The following PDE10A variants were observed in gnomAD, a reference collection of about 807,000 sequenced individuals.
PDE10A encodes cAMP and cAMP-inhibited cGMP 3',5'-cyclic phosphodiesterase 10A.
PDE10A carries 39 observed loss-of-function variants against 97.7 expected under a neutral mutation model. The ratio of observed to expected loss-of-function variants is 0.40; its 90% CI spans 0.31 to 0.52. The LOEUF (loss-of-function observed/expected upper bound fraction) is 0.52, where lower values mean the gene tolerates loss of function less well. Ranked by LOEUF, PDE10A falls within the 20% of genes least tolerant of loss-of-function variation. The pLI is 0.56. For synonymous variants in PDE10A, 371 were observed against 376.8 expected, an observed-to-expected ratio of 0.98 and a Z score of 0.18; for missense variants, 731 against 1,047.8, an observed-to-expected ratio of 0.70 and a Z score of 4.17.
chr6:165,507,078 G>A (rs1781238226), intron 2 of PDE10A, among the ~76,000 whole-genome samples: 1 of 152,058 alleles, frequency 6.6e-6, no homozygotes, highest in African/African-American at 2.4e-5. Context: ...CCACCCTGCT[G>A]CCTTACAACT....
At chr6:165,687,099 G>T (rs1791142260) in intron 1 of PDE10A, among the ~76,000 whole-genome samples, 1 of 152,254 alleles carries the variant, frequency 6.6e-6, no homozygotes, top group South Asian at 2.1e-4. Context: ...TGAGAGCATG[G>T]CTGCTTCCCA....
At chr6:165,943,294 G>GAAAAAA (rs1562810032) in intron 1 of PDE10A, among the ~76,000 whole-genome samples, 23 of 59,390 alleles carry the variant, frequency 3.9e-4, no homozygotes, top group Admixed American at 4.6e-4. Flanking sequence ...AAAGAAAGAA[G>GAAAAAA]GAAAGAAAGA....
intron 1 of PDE10A, among the ~76,000 whole-genome samples, chr6:165,938,579 A>T (rs534087414): frequency 2.8e-4 from 42 of 152,280 alleles, no homozygotes; most frequent in African/African-American, 1.0e-3. Context: ...TCAGGTTCCC[A>T]TGTGAACCCC....
At chr6:165,677,203 C>T (rs150939864) in intron 1 of PDE10A, among the ~76,000 whole-genome samples, 1 of 152,174 alleles carries the variant, frequency 6.6e-6, no homozygotes, top group African/African-American at 2.4e-5. Flanking sequence ...GGGCCTCATC[C>T]GATCAGTGGA....
chr6:165,672,221 T>C (rs1790666987), intron 1 of PDE10A, among the ~76,000 whole-genome samples: 1 of 152,198 alleles, frequency 6.6e-6, no homozygotes, highest in African/African-American at 2.4e-5. Context: ...GTCAATGGTA[T>C]AAGGCAAGCT....
chr6:165,529,112 C>G lies in PDE10A; in HGVS notation c.994+14328G>C, dbSNP rs585675. Among the ~76,000 whole-genome samples the G allele has an allele frequency of 5.4e-4, 82 of 152,110 alleles. 1 individual carries two copies. The highest frequency in any genetic ancestry group is 1.9e-3 in the African/African-American group (79 of 41,464). ...ACACTGCCACCAGGACTCACAACAA[C>G]GATTCCATTAAACTGGAAGATTGCC... is the stretch of plus-strand genomic sequence containing the variant. On this transcript the variant is annotated intron_variant, in intron 2 of 21. Transcript: ENST00000539869.
chr6:165,358,566 A>G (rs1783185868), intron 18 of PDE10A, among the ~76,000 whole-genome samples: 1 of 151,870 alleles, frequency 6.6e-6, no homozygotes, highest in African/African-American at 2.4e-5. Flanking sequence ...GCTTTCAACA[A>G]ATCTTTCTAC....
chr6:165,626,972 C>T (rs533707248), intron 1 of PDE10A, among the ~76,000 whole-genome samples: 1 of 152,242 alleles, frequency 6.6e-6, no homozygotes, highest in South Asian at 2.1e-4. Flanking sequence ...CCCAGACTTG[C>T]CCCTGGAAAA....
At chr6:165,417,924 A>G (rs1311395492) in intron 11 of PDE10A, among the ~76,000 whole-genome samples, 4 of 152,234 alleles carry the variant, frequency 2.6e-5, no homozygotes, top group Non-Finnish European at 5.9e-5. Flanking sequence ...TAAACGAGAC[A>G]CATACAGCAA....
At position 165,418,265 on chromosome 6, in the gene PDE10A, A is replaced by T. The variant is rs191278269; in HGVS notation, c.1796+370T>A. Among the ~76,000 whole-genome samples, 12 of 152,320 alleles carry T rather than the reference A, an allele frequency of 7.9e-5. No homozygotes were observed. Among genetic ancestry groups the T allele is most frequent in the African/African-American group, 2.2e-4 (9 of 41,576 alleles). ...CTGCGAGACAGGCCACCGGTTGGGA[A>T]GAAGTAGGGGCCGAATTGCATAAGC... On this transcript the variant is annotated intron_variant, in intron 11 of 21. Coordinates refer to ENST00000539869, the MANE Select transcript of PDE10A (RefSeq NM_001385079.1). This position sits in a 1 kb window ranked among gnomAD's most constrained non-coding sequence, Gnocchi z 4.8.
At chr6:165,605,103 C>T (rs1363513251) in intron 1 of PDE10A, among the ~76,000 whole-genome samples, 1 of 152,118 alleles carries the variant, frequency 6.6e-6, no homozygotes, top group African/African-American at 2.4e-5. Context: ...CTTCATTTTG[C>T]TCATACCTGT....
At chr6:165,395,334 T>C in intron 14 of PDE10A, 70 bp from the exon 15 acceptor site, 1 of 1,102,204 alleles carries the variant, frequency 9.1e-7, no homozygotes, top group Non-Finnish European at 1.4e-6. Context: ...AGAAAAGCAT[T>C]TAACTTGTTT....
intron 1 of PDE10A, among the ~76,000 whole-genome samples, chr6:165,974,880 C>T (rs943591742): frequency 6.6e-6 from 1 of 152,218 alleles, no homozygotes; most frequent in Non-Finnish European, 1.5e-5. Flanking sequence ...GCACAGTTTT[C>T]TCTTGAACTT....
chr6:165,408,698 A>T (rs1787425915), intron 13 of PDE10A, among the ~76,000 whole-genome samples: 2 of 152,178 alleles, frequency 1.3e-5, no homozygotes, highest in Non-Finnish European at 2.9e-5. Flanking sequence ...ATTGGAACAA[A>T]GTTTTGAAAT....
chr6:165,464,145 G>T (rs1778497008), intron 3 of PDE10A, among the ~76,000 whole-genome samples: 1 of 152,060 alleles, frequency 6.6e-6, no homozygotes, highest in African/African-American at 2.4e-5. Flanking sequence ...AGCGCTGCTG[G>T]GTTAGGGTCT....
At chr6:165,683,090 C>T (rs1453263882) in intron 1 of PDE10A, among the ~76,000 whole-genome samples, 1 of 152,198 alleles carries the variant, frequency 6.6e-6, no homozygotes, top group African/African-American at 2.4e-5. Context: ...ATGGTGCGTA[C>T]TCACAAAATT....
At chr6:165,408,597 A>G (rs220767) in intron 13 of PDE10A, among the ~76,000 whole-genome samples, 102,184 of 151,978 alleles carry the variant, frequency 0.67, 34,958 homozygotes, top group Middle Eastern at 0.83. Flanking sequence ...ATTTGGAGCT[A>G]TTTTCTTTTA....
At chr6:165,782,379 C>T (rs777007795) in intron 1 of PDE10A, among the ~76,000 whole-genome samples, 1 of 152,200 alleles carries the variant, frequency 6.6e-6, no homozygotes, top group Non-Finnish European at 1.5e-5. Flanking sequence ...GCCATCTTCA[C>T]CGTAAATCAC....
At chr6:165,843,362 G>A (rs2128473567) in intron 1 of PDE10A, among the ~76,000 whole-genome samples, 1 of 152,340 alleles carries the variant, frequency 6.6e-6, no homozygotes, top group African/African-American at 2.4e-5. Context: ...CCAAGTGCAG[G>A]AGCCAAGTTC....
Sources: allele counts gnomAD v4.1 joint callset (sites outside exome capture counted in the v4.1 genomes callset), GRCh38; gene constraint gnomAD v4.1.1; non-coding constraint Gnocchi (gnomAD v3.1); transcripts MANE v1.5; gene names NCBI Gene and HGNC (gene_info 2026-07-23, HGNC 2026-07-21).